The following LMBR1 variants were observed in gnomAD, a reference collection of about 807,000 sequenced individuals.
The protein encoded by LMBR1 is limb development membrane protein 1, also known as limb region 1 protein homolog.
A neutral mutation model predicts 73.9 loss-of-function variants in LMBR1; 52 were observed. That is an observed-to-expected ratio of 0.70 (90% CI 0.56 to 0.89). The LOEUF (loss-of-function observed/expected upper bound fraction) is 0.89, where lower values mean the gene tolerates loss of function less well. Among genes scored for constraint, LMBR1 ranks in the 40% least tolerant of loss-of-function variants. LMBR1 has a pLI of 0.00. For missense variants in LMBR1, 539 were observed against 579.8 expected (o/e 0.93, Z 0.72); for synonymous variants, 215 against 209.4 (o/e 1.03, Z -0.23).
intron 15 of LMBR1, among the ~76,000 whole-genome samples, chr7:156,706,364 A>T (rs1349204785): frequency 6.6e-6 from 1 of 152,196 alleles, no homozygotes; most frequent in Admixed American, 6.5e-5. Context: ...ATCGAGAAAA[A>T]AAATCAGCAA....
chr7:156,814,377 C>T (rs1833573656), intron 4 of LMBR1, among the ~76,000 whole-genome samples: 2 of 152,126 alleles, frequency 1.3e-5, no homozygotes, highest in Admixed American at 6.5e-5. Flanking sequence ...AAACAAAATG[C>T]TTAACTGAGC....
chr7:156,760,407 T>A (rs1822756354), intron 8 of LMBR1, among the ~76,000 whole-genome samples: 1 of 152,198 alleles, frequency 6.6e-6, no homozygotes, highest in Non-Finnish European at 1.5e-5. Flanking sequence ...TTCCATTGTC[T>A]TTTCCTCATT....
At chr7:156,851,218 C>T (rs1049344763) in intron 1 of LMBR1, among the ~76,000 whole-genome samples, 1 of 152,150 alleles carries the variant, frequency 6.6e-6, no homozygotes, top group South Asian at 2.1e-4. Context: ...ACACACCCTT[C>T]AAAACAGAGA....
intron 5 of LMBR1, among the ~76,000 whole-genome samples, chr7:156,789,442 A>G (rs1828801725): frequency 6.6e-6 from 1 of 152,242 alleles, no homozygotes; most frequent in South Asian, 2.1e-4. Context: ...AATATTACCT[A>G]ACGTCAAACT....
In LMBR1 at chr7:156,806,073, C is replaced by A. The variant is rs1437131830; in HGVS notation, c.320-9581G>T. On this transcript the variant is annotated intron_variant, in intron 4 of 16. Coordinates refer to ENST00000353442, the MANE Select transcript of LMBR1 (RefSeq NM_022458.4). ...TGTTTTGTATTGTAAGCCACCCAGT[C>A]TATGGTATTGTTATAGCAGCCCAAA... is the stretch of plus-strand genomic sequence containing the variant. 2.0e-5 allele frequency among the ~76,000 whole-genome samples: 3 copies of A among 152,150 alleles called. No homozygotes were observed. In the East Asian group the frequency reaches 5.8e-4, roughly 29 times the overall value.
chr7:156,836,942 C>G, intron 1 of LMBR1, 57 bp from the exon 2 acceptor site: 3 of 1,058,388 alleles, frequency 2.8e-6, no homozygotes, highest in Non-Finnish European at 4.2e-6. Context: ...TTTTTAAATA[C>G]TAGAAGATAT....
intron 5 of LMBR1, among the ~76,000 whole-genome samples, chr7:156,789,104 C>T (rs1006181386): frequency 6.6e-6 from 1 of 152,056 alleles, no homozygotes; most frequent in Admixed American, 6.6e-5. Context: ...TTTCTTCTTC[C>T]TCTGTGCTAC....
At chr7:156,753,045 TAGA>T (rs1296994834) in intron 9 of LMBR1, among the ~76,000 whole-genome samples, 1 of 152,080 alleles carries the variant, frequency 6.6e-6, no homozygotes, top group African/African-American at 2.4e-5. Flanking sequence ...ATGGGAGTGC[TAGA>T]AGAAGTGAAC....
At chr7:156,754,765 G>A (rs979577499) in intron 9 of LMBR1, among the ~76,000 whole-genome samples, 5 of 151,880 alleles carry the variant, frequency 3.3e-5, no homozygotes, top group Non-Finnish European at 2.9e-5. Flanking sequence ...ATGGTAAGTC[G>A]TGATTTTTTC....
intron 1 of LMBR1, among the ~76,000 whole-genome samples, chr7:156,879,918 C>T (rs1056323242): frequency 6.6e-6 from 1 of 152,248 alleles, no homozygotes; most frequent in East Asian, 1.9e-4. Context: ...TAAACTGGTA[C>T]AACCACTATG....
At chr7:156,677,008 T>C (rs1201644227), downstream of LMBR1, 1 of 211,690 alleles carries the variant, frequency 4.7e-6, no homozygotes, top group African/African-American at 2.3e-5. Flanking sequence ...GTTCCAAATG[T>C]TTTCCGCTAA....
At chr7:156,769,664 G>T (rs1824808917) in intron 5 of LMBR1, among the ~76,000 whole-genome samples, 2 of 152,278 alleles carry the variant, frequency 1.3e-5, no homozygotes, top group Non-Finnish European at 2.9e-5. Flanking sequence ...AGAAGCAAAG[G>T]ATTTTATTAC....
intron 1 of LMBR1, among the ~76,000 whole-genome samples, chr7:156,889,833 T>C (rs1467979084): frequency 6.6e-6 from 1 of 151,970 alleles, no homozygotes; most frequent in Admixed American, 6.6e-5. Flanking sequence ...TACAAAAAAT[T>C]AAAAGATTAG....
chr7:156,779,298 T>C (rs997460301), intron 5 of LMBR1, among the ~76,000 whole-genome samples: 11 of 152,322 alleles, frequency 7.2e-5, no homozygotes, highest in African/African-American at 2.4e-4. Context: ...TTCCTTCTGA[T>C]TAAAATTGCA....
At chr7:156,860,056 A>G (rs766473641) in intron 1 of LMBR1, among the ~76,000 whole-genome samples, 17 of 152,276 alleles carry the variant, frequency 1.1e-4, no homozygotes, top group Non-Finnish European at 1.8e-4. Context: ...AAACGGTGCT[A>G]TAACAACTGG....
rs147960102 is a variant in LMBR1 at position 156,848,866 on chromosome 7, G to A, written c.67-11981C>T. 4.2e-3 allele frequency among the ~76,000 whole-genome samples: 634 copies of A among 151,448 alleles called. 4 individuals are homozygous for A. Among genetic ancestry groups the A allele is most frequent in the African/African-American group, 0.015 (610 of 41,242 alleles). ...GAATCACTTGAACCTGGGAGGCGGA[G>A]GCTGCAGTGAGCAGAGATCGTACCA... On this transcript the variant is annotated intron_variant, in intron 1 of 16. Transcript: ENST00000353442.
chr7:156,733,323 C>T (rs895098156), intron 10 of LMBR1, among the ~76,000 whole-genome samples: 10 of 152,000 alleles, frequency 6.6e-5, no homozygotes, highest in African/African-American at 2.4e-4. Flanking sequence ...TCAATCAAAA[C>T]ATATCAAGAA....
chr7:156,758,512 T>TC (rs1401815983), intron 8 of LMBR1, among the ~76,000 whole-genome samples: 3 of 152,096 alleles, frequency 2.0e-5, no homozygotes, highest in East Asian at 3.8e-4. Context: ...GTCATGGGGG[T>TC]GGATCTCTCA....
At chr7:156,798,307 A>G (rs1055478274) in intron 4 of LMBR1, among the ~76,000 whole-genome samples, 2 of 152,222 alleles carry the variant, frequency 1.3e-5, no homozygotes, top group Non-Finnish European at 2.9e-5. Context: ...AGAGGCTACT[A>G]GTAACAGTGC....
Sources: allele counts gnomAD v4.1 joint callset (sites outside exome capture counted in the v4.1 genomes callset), GRCh38; gene constraint gnomAD v4.1.1; transcripts MANE v1.5; gene names NCBI Gene and HGNC (gene_info 2026-07-23, HGNC 2026-07-21).